CACNB4: variants seen among roughly 807,000 people sequenced by gnomAD.
CACNB4 encodes voltage-dependent L-type calcium channel subunit beta-4.
A neutral mutation model predicts 71.2 loss-of-function variants in CACNB4; 32 were observed. That is an observed-to-expected ratio of 0.45 (90% confidence interval 0.34 to 0.60). CACNB4 has a LOEUF of 0.60. CACNB4 is among the 20% of genes least tolerant of loss of function. CACNB4 has a pLI of 0.01. For missense variants in CACNB4, 464 were observed against 647.9 expected (o/e 0.72, Z 3.08); for synonymous variants, 231 against 236.9 (o/e 0.97, Z 0.23).
At chr2:151,962,094 C>G (rs73001857) in intron 2 of CACNB4, among the ~76,000 whole-genome samples, 9,090 of 152,150 alleles carry the variant, frequency 0.06, 866 homozygotes, top group African/African-American at 0.21. Context: ...CCAAAAGGCA[C>G]CCTAGCAGGG....
chr2:151,902,891 C>A lies in CACNB4; in HGVS notation c.148-19521G>T, dbSNP rs1339043974. 5.9e-5 allele frequency among the ~76,000 whole-genome samples: 9 copies of A among 152,140 alleles called. No individual in the cohort carries two copies. The East Asian group carries it at 1.5e-3, about 26-fold the overall frequency. On this transcript the variant is annotated intron_variant, in intron 2 of 13. Transcript: ENST00000539935. ...ATTATACAGATGTCTATACAGAATTCTTTTGAACCCTGGGTTGCTACTATC... is the reference window on the plus strand; with the variant it reads ...ATTATACAGATGTCTATACAGAATTATTTTGAACCCTGGGTTGCTACTATC...
chr2:151,859,884 A>G (rs1423345622), intron 10 of CACNB4: 1 of 152,256 alleles, frequency 6.6e-6, no homozygotes, highest in Non-Finnish European at 1.5e-5. Context: ...TCTGTCTTGG[A>G]AATCTTAATT....
chr2:151,868,926 A>G (rs906988376), intron 9 of CACNB4: 1 of 232,626 alleles, frequency 4.3e-6, no homozygotes, highest in Non-Finnish European at 8.2e-6. Flanking sequence ...TTAATAACTG[A>G]GAAAATAAAG....
chr2:151,872,469 TGAA>T lies in CACNB4; in HGVS notation c.543_545del (p.Ser183del), dbSNP rs1057518634. Reference sequence around the variant, plus strand: ...TCCCAGATACCATTTCTCCAAGACTTGAAGAAGAATTTCCACTTGATTTCCTAG... The same window carrying T: ...TCCCAGATACCATTTCTCCAAGACTTGAAGAATTTCCACTTGATTTCCTAG... On this transcript the variant is annotated inframe_deletion, in exon 6 of 14. Coordinates refer to ENST00000539935, the MANE Select transcript of CACNB4 (RefSeq NM_000726.5). The T allele has an allele frequency of 1.9e-6, 3 of 1,600,400 alleles. No homozygotes were observed. Among genetic ancestry groups the T allele is most frequent in the Non-Finnish European group, 2.6e-6 (3 of 1,169,288 alleles).
chr2:152,053,735 G>C (rs1015236481), intron 2 of CACNB4, among the ~76,000 whole-genome samples: 5 of 151,862 alleles, frequency 3.3e-5, no homozygotes, highest in Admixed American at 2.0e-4. Context: ...TGTTGCCCAG[G>C]CCTGTCTCCA....
In CACNB4 at chr2:151,986,006, C is replaced by T. The variant is rs751706538; in HGVS notation, c.148-102636G>A. ...CGTTCTATTAGGCAAATGAATGAGA[C>T]GACTGAGCTAAGACTACCCTAGTTA... On this transcript the variant is annotated intron_variant, in intron 2 of 13. Transcript: ENST00000539935. Among the ~76,000 whole-genome samples the T allele has an allele frequency of 2.6e-5, 4 of 152,252 alleles. No homozygotes were observed. The East Asian group carries it at 5.8e-4, about 22-fold the overall frequency.
intron 2 of CACNB4, among the ~76,000 whole-genome samples, chr2:152,077,466 T>C (rs986779979): frequency 2.0e-5 from 3 of 152,124 alleles, no homozygotes; most frequent in African/African-American, 4.8e-5. Context: ...GGCAGGAGAA[T>C]CACTTGAACC....
intron 2 of CACNB4, among the ~76,000 whole-genome samples, chr2:152,047,680 G>A (rs1399703897): frequency 6.6e-6 from 1 of 152,166 alleles, no homozygotes; most frequent in Non-Finnish European, 1.5e-5. Flanking sequence ...GATCACTTGA[G>A]GTCAGGAGTT....
At chr2:152,018,899 T>C (rs1375975408) in intron 2 of CACNB4, among the ~76,000 whole-genome samples, 1 of 150,996 alleles carries the variant, frequency 6.6e-6, no homozygotes, top group Non-Finnish European at 1.5e-5. Context: ...CTACAAAAAC[T>C]GGAGTGCTGA....
chr2:151,905,991 T>C (rs2099854718), intron 2 of CACNB4, among the ~76,000 whole-genome samples: 1 of 152,240 alleles, frequency 6.6e-6, no homozygotes, highest in Admixed American at 6.5e-5. Context: ...GAGTTCCTTC[T>C]AGCTCTGTAT....
chr2:151,897,891 GA>G (rs1173217419), intron 2 of CACNB4, among the ~76,000 whole-genome samples: 2 of 152,226 alleles, frequency 1.3e-5, no homozygotes, highest in Non-Finnish European at 2.9e-5. Flanking sequence ...AGGTTAATGA[GA>G]ACACTTCAGT....
chr2:151,865,684 G>A (rs2099842903), intron 9 of CACNB4: 3 of 152,138 alleles, frequency 2.0e-5, no homozygotes, highest in Admixed American at 6.5e-5. Flanking sequence ...CCACTGTGTC[G>A]TCGTCAGCAC....
At chr2:151,885,961 T>G (rs2099849253) in intron 2 of CACNB4, among the ~76,000 whole-genome samples, 1 of 152,036 alleles carries the variant, frequency 6.6e-6, no homozygotes, top group African/African-American at 2.4e-5. Context: ...AAAAACACAA[T>G]GTTTCAATTT....
At chr2:152,091,688 C>G (rs1473589445) in intron 2 of CACNB4, among the ~76,000 whole-genome samples, 1 of 152,112 alleles carries the variant, frequency 6.6e-6, no homozygotes, top group Non-Finnish European at 1.5e-5. Context: ...GGCTGTTTCC[C>G]TCAGATCCAC....
chr2:151,872,719 C>A, intron 5 of CACNB4: 1 of 390,196 alleles, frequency 2.6e-6, no homozygotes, highest in Non-Finnish European at 4.6e-6. Flanking sequence ...AGCATCTCTT[C>A]TAGTTACTCA....
intron 12 of CACNB4, among the ~76,000 whole-genome samples, chr2:151,842,708 C>T (rs557955132): frequency 4.3e-4 from 66 of 152,220 alleles, no homozygotes; most frequent in African/African-American, 1.4e-3. Flanking sequence ...CAAAAACCCA[C>T]GTGTATTCAC....
At chr2:151,967,869 G>C (rs1354803949) in intron 2 of CACNB4, 1 of 152,056 alleles carries the variant, frequency 6.6e-6, no homozygotes, top group African/African-American at 2.4e-5. Flanking sequence ...GACACAGGAA[G>C]TACTGATAAT....
intron 2 of CACNB4, among the ~76,000 whole-genome samples, chr2:152,090,936 C>T (rs1171019562): frequency 1.2e-4 from 18 of 148,486 alleles, no homozygotes; most frequent in Admixed American, 6.8e-4. Context: ...CCCAGATACT[C>T]GGGAGGCTGA....
chr2:151,868,763 T>A (rs1379851320), intron 9 of CACNB4: 1 of 98,236 alleles, frequency 1.0e-5, no homozygotes, highest in Non-Finnish European at 2.0e-5. Context: ...ACATTTATGC[T>A]TTCATATGAC....
Sources: allele counts gnomAD v4.1 joint callset (sites outside exome capture counted in the v4.1 genomes callset), GRCh38; gene constraint gnomAD v4.1.1; transcripts MANE v1.5; gene names NCBI Gene and HGNC (gene_info 2026-07-23, HGNC 2026-07-21).